FEZ1: variants seen among roughly 807,000 people sequenced by gnomAD.
FEZ1 encodes the protein fasciculation and elongation protein zeta 1.
Under a neutral mutation model 49.3 loss-of-function variants are expected in FEZ1, and 20 were observed. That is an observed-to-expected ratio of 0.41 (90% confidence interval 0.29 to 0.59). The LOEUF is 0.59. Among genes scored for constraint, FEZ1 ranks in the 20% least tolerant of loss-of-function variants. The pLI is 0.36. For synonymous variants in FEZ1, 170 were observed against 180.9 expected (o/e 0.94, Z 0.48); for missense variants, 413 against 476.0 (o/e 0.87, Z 1.23).
intron 3 of FEZ1, among the ~76,000 whole-genome samples, chr11:125,472,835 T>C (rs1459586071): frequency 1.3e-5 from 2 of 152,178 alleles, no homozygotes; most frequent in African/African-American, 4.8e-5. Context: ...TAAGTGGGGT[T>C]TATTTTAAAA....
chr11:125,455,897 T>G lies in FEZ1; in HGVS notation c.877A>C (p.Lys293Gln). ...CTCTGCAGGCTCAGCCCTTTCTCTT[T>G]CCGCCTCTTTTTCATCAGTTCTCGC... ...EQRELMKKRR[K>Q]EKGLSLQSSR... The change falls in exon 6 of 10, where the codon AAA becomes CAA. Residue 293 changes from lysine to glutamine, a missense_variant. Physicochemically the swap from Lys to Gln is moderately conservative, Grantham distance 53 (BLOSUM62 1). Transcript: ENST00000278919. The G allele has an allele frequency of 3.1e-6, 5 of 1,613,758 alleles. No individual in the cohort carries two copies. Among genetic ancestry groups the G allele is most frequent in the Non-Finnish European group, 4.2e-6 (5 of 1,179,974 alleles).
chr11:125,475,722 C>T (rs1458746337), intron 3 of FEZ1, among the ~76,000 whole-genome samples: 1 of 152,068 alleles, frequency 6.6e-6, no homozygotes, highest in Non-Finnish European at 1.5e-5. Context: ...CACATGTACC[C>T]CTGAACTTAA....
chr11:125,485,878 G>A (rs545124621), intron 2 of FEZ1, among the ~76,000 whole-genome samples: 6 of 152,034 alleles, frequency 3.9e-5, no homozygotes, highest in Non-Finnish European at 7.4e-5. Flanking sequence ...ACAAGGAAGC[G>A]GAGCTTGCAG....
intron 3 of FEZ1, among the ~76,000 whole-genome samples, chr11:125,479,941 T>C (rs1401289716): frequency 1.3e-5 from 2 of 152,232 alleles, no homozygotes; most frequent in African/African-American, 4.8e-5. Flanking sequence ...GGTCACCCCC[T>C]TTATGGCCTT....
chr11:125,470,131 A>G (rs1200111747), intron 3 of FEZ1, among the ~76,000 whole-genome samples: 1 of 152,202 alleles, frequency 6.6e-6, no homozygotes, highest in Non-Finnish European at 1.5e-5. Flanking sequence ...CAACAGAGAG[A>G]GCAGAAGAAA....
intron 1 of FEZ1, among the ~76,000 whole-genome samples, chr11:125,493,675 T>C (rs1445940033): frequency 6.6e-6 from 1 of 152,248 alleles, no homozygotes; most frequent in Admixed American, 6.5e-5. Context: ...GCATCTTTTT[T>C]ACTAAGGCTT....
chr11:125,454,262 CCA>C, intron 6 of FEZ1, 52 bp from the exon 7 acceptor site: 1 of 1,430,692 alleles, frequency 7.0e-7, no homozygotes, highest in East Asian at 2.3e-5. Context: ...TACACTGTCA[CCA>C]CACCCAGGGA....
chr11:125,494,446 C>T (rs1957437292), intron 1 of FEZ1, among the ~76,000 whole-genome samples: 1 of 152,166 alleles, frequency 6.6e-6, no homozygotes, highest in African/African-American at 2.4e-5. Flanking sequence ...AAGCTTGCAC[C>T]ATCCTCATTC....
chr11:125,448,821 G>A (rs1361963278), intron 8 of FEZ1, among the ~76,000 whole-genome samples: 1 of 151,916 alleles, frequency 6.6e-6, no homozygotes, highest in Non-Finnish European at 1.5e-5. Context: ...CCCAGACCTT[G>A]AGCCCAGGCA....
chr11:125,456,298 C>A, intron 5 of FEZ1, 192 bp from the exon 6 acceptor site: 1 of 489,058 alleles, frequency 2.0e-6, no homozygotes, highest in Middle Eastern at 4.5e-4. Flanking sequence ...GTACTGACTG[C>A]AGAAGAGAAC....
chr11:125,489,678 A>G lies in FEZ1; in HGVS notation c.100T>C (p.Ser34Pro). Residue 34 changes from serine to proline, a missense_variant, in exon 2 of 10, where the codon TCT becomes CCT. Transcript: ENST00000278919. The surrounding 1 kb of genome is among the most constrained non-coding windows in gnomAD (Gnocchi z 4.2). ...EEKPQCFYGS[S>P]PHHLEDPSLS... ...GAGGGGTCCTCGAGATGGTGGGGAG[A>G]TGAACCATAGAAACACTGGGGCTTC... 1 of 1,614,018 alleles carries G rather than the reference A, an allele frequency of 6.2e-7. No homozygotes were observed. The highest frequency in any genetic ancestry group is 8.5e-7 in the Non-Finnish European group (1 of 1,179,956).
chr11:125,454,969 G>A lies in FEZ1; in HGVS notation c.940-759C>T, dbSNP rs141525474. Among the ~76,000 whole-genome samples the A allele has an allele frequency of 3.8e-3, 550 of 145,622 alleles. 5 individuals carry two copies. The highest frequency in any genetic ancestry group is 0.013 in the African/African-American group (519 of 39,044). The stretch of plus-strand genomic sequence containing the variant: ...GCAGAGATTGCAGTGAACCGAGATC[G>A]CACCACTGCACTCCAGCCTGGGCAA... On this transcript the variant is annotated intron_variant, in intron 6 of 9. Coordinates refer to ENST00000278919, the MANE Select transcript of FEZ1 (RefSeq NM_005103.5).
chr11:125,474,914 C>A (rs1272474847), intron 3 of FEZ1, among the ~76,000 whole-genome samples: 1 of 151,664 alleles, frequency 6.6e-6, no homozygotes, highest in Non-Finnish European at 1.5e-5. Flanking sequence ...TCTTACAACT[C>A]AATACTAAGA....
chr11:125,484,896 A>G (rs547841122), intron 2 of FEZ1, among the ~76,000 whole-genome samples: 7 of 152,238 alleles, frequency 4.6e-5, no homozygotes, highest in African/African-American at 1.4e-4. Context: ...AGAGGAGCCA[A>G]TGCAGCCAGG....
At chr11:125,468,234 A>T (rs539030532) in intron 3 of FEZ1, among the ~76,000 whole-genome samples, 1 of 152,022 alleles carries the variant, frequency 6.6e-6, no homozygotes, top group African/African-American at 2.4e-5. Context: ...CTGGAGTCCA[A>T]TGACATGATC....
chr11:125,449,417 T>TAAAAAAAAAAAAAAAA (rs35920814), intron 8 of FEZ1, among the ~76,000 whole-genome samples: 1 of 27,014 alleles, frequency 3.7e-5, no homozygotes, highest in African/African-American at 1.4e-4. Context: ...TTTGTCTCTA[T>TAAAAAAAAAAAAAAAA]AAAAAAAAAA....
intron 8 of FEZ1, among the ~76,000 whole-genome samples, chr11:125,450,572 G>C (rs1956945257): frequency 6.6e-6 from 1 of 152,192 alleles, no homozygotes; most frequent in Admixed American, 6.5e-5. Context: ...AGAGAGAAGA[G>C]GCATTGTTCA....
chr11:125,448,518 C>G lies in FEZ1; in HGVS notation c.1146G>C (p.Thr382=). The change falls in exon 9 of 10, where the codon ACG becomes ACC. Residue 382 remains threonine, a synonymous_variant. Coordinates refer to ENST00000278919, the MANE Select transcript of FEZ1 (RefSeq NM_005103.5). ...TGCTCTTACCTTTTAAAATGTAGTCCGTTAGCAAAGTAGGCACCTTCTCAT... is the reference window on the plus strand; with the variant it reads ...TGCTCTTACCTTTTAAAATGTAGTCGGTTAGCAAAGTAGGCACCTTCTCAT... ...EDNEKVPTLL[T]DYILKVLCPT 6.2e-7 allele frequency: 1 copy of G among 1,611,704 alleles called. No individual in the cohort carries two copies. The highest frequency in any genetic ancestry group is 8.5e-7 in the Non-Finnish European group (1 of 1,177,862).
At chr11:125,491,781 CTTTAAAACATA>C (rs1957385144) in intron 1 of FEZ1, among the ~76,000 whole-genome samples, 1 of 152,194 alleles carries the variant, frequency 6.6e-6, no homozygotes, top group Non-Finnish European at 1.5e-5. Flanking sequence ...ATTACCGTTG[CTTTAAAACATA>C]TTTGGAGCAT....
Sources: gnomAD v4.1 joint callset for allele counts (sites outside exome capture counted in the v4.1 genomes callset) on GRCh38, gnomAD v4.1.1 for gene constraint, Gnocchi (gnomAD v3.1) non-coding constraint, MANE v1.5 for transcripts, NCBI Gene and HGNC (gene_info 2026-07-23, HGNC 2026-07-21) for gene names.